The following CPNE8 variants were observed in gnomAD, a reference collection of about 807,000 sequenced individuals.
CPNE8 encodes copine 8.
A neutral mutation model predicts 81.5 loss-of-function variants in CPNE8; 45 were observed. The observed-to-expected ratio is 0.55, with a 90% CI of 0.44 to 0.71. The LOEUF is 0.71. Among genes scored for constraint, CPNE8 ranks in the 30% least tolerant of loss-of-function variants. The pLI is 0.00. For synonymous variants in CPNE8, 252 were observed against 226.3 expected (o/e 1.11, Z -1.02); for missense variants, 594 against 672.1 (o/e 0.88, Z 1.28).
At chr12:38,729,398 A>G (rs1940780219) in intron 11 of CPNE8, among the ~76,000 whole-genome samples, 1 of 151,970 alleles carries the variant, frequency 6.6e-6, no homozygotes, top group African/African-American at 2.4e-5. Context: ...TAGAGCACAT[A>G]TCTATCTACA....
chr12:38,684,259 C>T (rs1451525085), intron 16 of CPNE8, among the ~76,000 whole-genome samples: 1 of 151,834 alleles, frequency 6.6e-6, no homozygotes, highest in African/African-American at 2.4e-5. Context: ...CAAGTAATGA[C>T]CCATTAATGG....
At chr12:38,902,417 A>AAAAG (rs368864805) in intron 1 of CPNE8, among the ~76,000 whole-genome samples, 1 of 72,916 alleles carries the variant, frequency 1.4e-5, no homozygotes, top group East Asian at 3.8e-4. Flanking sequence ...GAAAGAAAGA[A>AAAAG]AAAGAAAGAA....
intron 10 of CPNE8, among the ~76,000 whole-genome samples, chr12:38,738,703 C>G (rs1211907295): frequency 1.3e-5 from 2 of 152,052 alleles, no homozygotes; most frequent in African/African-American, 4.8e-5. Flanking sequence ...TTAATATTAA[C>G]TTAAAAGTAA....
At chr12:38,759,087 C>T (rs1272190775) in intron 10 of CPNE8, among the ~76,000 whole-genome samples, 2 of 152,146 alleles carry the variant, frequency 1.3e-5, no homozygotes, top group African/African-American at 4.8e-5. Flanking sequence ...ATTTCTGTTA[C>T]ATTAGGATTA....
chr12:38,676,367 C>T (rs1939289817), intron 17 of CPNE8: 1 of 904,348 alleles, frequency 1.1e-6, no homozygotes, highest in African/African-American at 1.8e-5. Context: ...GCATCTACTT[C>T]CACTTTCTAC....
At chr12:38,708,578 A>G (rs1940171830) in intron 13 of CPNE8, among the ~76,000 whole-genome samples, 1 of 152,182 alleles carries the variant, frequency 6.6e-6, no homozygotes, top group South Asian at 2.1e-4. Context: ...TGCCTGCCAA[A>G]TTGCATGAGT....
chr12:38,719,412 T>C (rs761511076), intron 13 of CPNE8, among the ~76,000 whole-genome samples: 1 of 152,020 alleles, frequency 6.6e-6, no homozygotes, highest in Non-Finnish European at 1.5e-5. Flanking sequence ...AAGACCAGCA[T>C]GGCCAACATA....
At chr12:38,746,058 T>C (rs1189191583) in intron 10 of CPNE8, among the ~76,000 whole-genome samples, 1 of 152,130 alleles carries the variant, frequency 6.6e-6, no homozygotes, top group African/African-American at 2.4e-5. Flanking sequence ...GTGGCCGCAA[T>C]ATGTATTTCT....
intron 9 of CPNE8, among the ~76,000 whole-genome samples, chr12:38,761,271 C>T (rs1384756670): frequency 2.6e-5 from 4 of 152,128 alleles, no homozygotes; most frequent in Non-Finnish European, 4.4e-5. Flanking sequence ...GATTATTGGA[C>T]CTCTCTCCTG....
chr12:38,904,378 C>T (rs1488679135), intron 1 of CPNE8, among the ~76,000 whole-genome samples: 1 of 151,936 alleles, frequency 6.6e-6, no homozygotes, highest in Non-Finnish European at 1.5e-5. Flanking sequence ...AGCGGTGATG[C>T]TGCTTTATTT....
intron 16 of CPNE8, among the ~76,000 whole-genome samples, chr12:38,679,968 T>C (rs1486829633): frequency 1.3e-5 from 2 of 151,884 alleles, no homozygotes; most frequent in Non-Finnish European, 2.9e-5. Flanking sequence ...AGAAGCTTGC[T>C]TCTTAAAAGA....
At chr12:38,793,720 T>C (rs1942384566) in intron 6 of CPNE8, among the ~76,000 whole-genome samples, 1 of 151,458 alleles carries the variant, frequency 6.6e-6, no homozygotes, top group South Asian at 2.1e-4. Context: ...AGAAAAAAAA[T>C]CAATCTATAA....
chr12:38,820,133 G>A (rs896938571), intron 6 of CPNE8, among the ~76,000 whole-genome samples: 10 of 152,176 alleles, frequency 6.6e-5, no homozygotes, highest in East Asian at 1.9e-4. Flanking sequence ...TTGGCAGGGC[G>A]TGGTGGCTCA....
intron 19 of CPNE8, among the ~76,000 whole-genome samples, chr12:38,668,538 A>G (rs905124735): frequency 2.6e-5 from 4 of 152,210 alleles, no homozygotes; most frequent in Non-Finnish European, 2.9e-5. Context: ...TTTAAATAGA[A>G]CTATGAGATA....
chr12:38,767,498 G>A, intron 8 of CPNE8, 137 bp downstream of exon 8: 1 of 516,592 alleles, frequency 1.9e-6, no homozygotes, highest in Non-Finnish European at 3.3e-6. Context: ...ATTTTGAGAT[G>A]CAAAAATCAT....
chr12:38,877,843 A>G (rs1944089078), intron 1 of CPNE8, among the ~76,000 whole-genome samples: 1 of 152,166 alleles, frequency 6.6e-6, no homozygotes, highest in African/African-American at 2.4e-5. Context: ...GCTAGGTAAA[A>G]TAAGGCTGAG....
chr12:38,894,264 A>T (rs7978838), intron 1 of CPNE8, among the ~76,000 whole-genome samples: 132,756 of 152,172 alleles, frequency 0.87, 58,167 homozygotes, highest in Non-Finnish European at 0.92. Context: ...AACAAAGAAA[A>T]TAAAGCCATT....
At chr12:38,777,691 T>C (rs2136895192) in intron 6 of CPNE8, among the ~76,000 whole-genome samples, 1 of 152,300 alleles carries the variant, frequency 6.6e-6, no homozygotes, top group East Asian at 1.9e-4. Context: ...AATTACCTGT[T>C]CAGTGAGGTA....
At chr12:38,701,984 T>A (rs1939959502) in intron 14 of CPNE8, among the ~76,000 whole-genome samples, 1 of 152,220 alleles carries the variant, frequency 6.6e-6, no homozygotes, top group Non-Finnish European at 1.5e-5. Flanking sequence ...TTCCTGGATC[T>A]GAATGTCCTC....
Sources: allele counts gnomAD v4.1 joint callset (sites outside exome capture counted in the v4.1 genomes callset), GRCh38; gene constraint gnomAD v4.1.1; transcripts MANE v1.5; gene names NCBI Gene and HGNC (gene_info 2026-07-23, HGNC 2026-07-21).